KCNQ3: variants seen among roughly 807,000 people sequenced by gnomAD.
The protein encoded by KCNQ3 is potassium voltage-gated channel subfamily KQT member 3.
Under a neutral mutation model 92.5 loss-of-function variants are expected in KCNQ3, and 30 were observed. That is an observed-to-expected ratio of 0.32 (90% CI 0.24 to 0.44). KCNQ3 has a LOEUF of 0.44. Ranked by LOEUF, KCNQ3 falls within the 20% of genes least tolerant of loss-of-function variation. The pLI, the probability that KCNQ3 is intolerant of heterozygous loss-of-function variation, is 1.00. For missense variants in KCNQ3, 913 were observed against 1,140.3 expected (o/e 0.80, Z 2.87); for synonymous variants, 450 against 468.8 (o/e 0.96, Z 0.52).
intron 1 of KCNQ3, among the ~76,000 whole-genome samples, chr8:132,250,626 C>T (rs894575307): frequency 6.6e-6 from 1 of 152,106 alleles, no homozygotes; most frequent in African/African-American, 2.4e-5. Flanking sequence ...ATTATAAAAA[C>T]AATCTCTCAG....
intron 1 of KCNQ3, among the ~76,000 whole-genome samples, chr8:132,327,552 C>T (rs540678427): frequency 1.9e-4 from 29 of 152,220 alleles, no homozygotes; most frequent in African/African-American, 6.0e-4. Flanking sequence ...TCAGCTGTGC[C>T]CATCTGCATA....
intron 9 of KCNQ3, among the ~76,000 whole-genome samples, chr8:132,161,025 A>G (rs1825968359): frequency 6.6e-6 from 1 of 152,102 alleles, no homozygotes; most frequent in Admixed American, 6.5e-5. Flanking sequence ...TGCTTAGCAT[A>G]AAATTATCAA....
At chr8:132,203,020 A>G (rs1409046894) in intron 1 of KCNQ3, among the ~76,000 whole-genome samples, 5 of 152,200 alleles carry the variant, frequency 3.3e-5, no homozygotes, top group East Asian at 3.8e-4. Context: ...GGGAAGTCCA[A>G]TACCAAGGTG....
chr8:132,461,927 A>G (rs1169215189), intron 1 of KCNQ3, among the ~76,000 whole-genome samples: 1 of 152,134 alleles, frequency 6.6e-6, no homozygotes, highest in Non-Finnish European at 1.5e-5. Flanking sequence ...CAAGCTCTTT[A>G]TCAGATAGGT....
intron 1 of KCNQ3, among the ~76,000 whole-genome samples, chr8:132,310,075 G>C (rs1385580009): frequency 6.6e-6 from 1 of 152,166 alleles, no homozygotes; most frequent in Non-Finnish European, 1.5e-5. Flanking sequence ...GGTTACCATA[G>C]GAATAGATCT....
chr8:132,166,462 G>A (rs1222344294), intron 8 of KCNQ3, among the ~76,000 whole-genome samples: 2 of 152,062 alleles, frequency 1.3e-5, no homozygotes, highest in African/African-American at 4.8e-5. Flanking sequence ...GGACCCTTAT[G>A]ACCAACTTGT....
At chr8:132,191,405 T>A (rs1358810477) in intron 1 of KCNQ3, among the ~76,000 whole-genome samples, 1 of 151,938 alleles carries the variant, frequency 6.6e-6, no homozygotes, top group African/African-American at 2.4e-5. Context: ...AGATCCTCCT[T>A]CTTTAACCTC....
chr8:132,257,139 ATT>A (rs543946657), intron 1 of KCNQ3, among the ~76,000 whole-genome samples: 9 of 152,134 alleles, frequency 5.9e-5, no homozygotes, highest in Non-Finnish European at 1.3e-4. Flanking sequence ...TAGGAGCAAA[ATT>A]TTTTTGTAAA....
At chr8:132,477,309 G>GA (rs896888881) in intron 1 of KCNQ3, among the ~76,000 whole-genome samples, 9 of 146,464 alleles carry the variant, frequency 6.1e-5, no homozygotes, top group East Asian at 2.0e-4. Flanking sequence ...TTAGGAAGGA[G>GA]AAAAAAAATA....
chr8:132,239,884 A>T (rs1198071466), intron 1 of KCNQ3, among the ~76,000 whole-genome samples: 3 of 152,234 alleles, frequency 2.0e-5, no homozygotes, highest in Non-Finnish European at 2.9e-5. Flanking sequence ...GTCCGATGAC[A>T]ACCTTTGACA....
chr8:132,184,968 T>C (rs925619770), intron 2 of KCNQ3, among the ~76,000 whole-genome samples: 1 of 152,226 alleles, frequency 6.6e-6, no homozygotes, highest in African/African-American at 2.4e-5. Flanking sequence ...GCCCAGGAGC[T>C]TAAGCACTCT....
chr8:132,336,407 T>A (rs1818368240), intron 1 of KCNQ3, among the ~76,000 whole-genome samples: 1 of 152,280 alleles, frequency 6.6e-6, no homozygotes, highest in South Asian at 2.1e-4. Context: ...CTTAATCTCT[T>A]AGGGTTTCTG....
chr8:132,400,139 A>T (rs1820296386), intron 1 of KCNQ3, among the ~76,000 whole-genome samples: 1 of 152,174 alleles, frequency 6.6e-6, no homozygotes, highest in Non-Finnish European at 1.5e-5. Flanking sequence ...CAACAGACAA[A>T]CACGTATGTA....
intron 1 of KCNQ3, among the ~76,000 whole-genome samples, chr8:132,242,454 C>T (rs528976143): frequency 6.6e-6 from 1 of 152,250 alleles, no homozygotes; most frequent in Admixed American, 6.5e-5. Flanking sequence ...TGCACCTGCC[C>T]AGGGTCACAC....
Position 132,186,080 on chromosome 8 carries a change from T to C in KCNQ3, c.477+11A>G. ...CCAACCAGAAGCATTTACCCCAGAATGCAATCTTACCAGTAACAGAAGCCA... is the reference window on the plus strand; with the variant it reads ...CCAACCAGAAGCATTTACCCCAGAACGCAATCTTACCAGTAACAGAAGCCA... On this transcript the variant is annotated intron_variant, in intron 2 of 14. Transcript: ENST00000388996. 1 of 1,603,020 alleles carries C rather than the reference T, an allele frequency of 6.2e-7. No homozygotes were observed. Among genetic ancestry groups the C allele is most frequent in the Non-Finnish European group, 8.5e-7 (1 of 1,170,072 alleles).
intron 1 of KCNQ3, among the ~76,000 whole-genome samples, chr8:132,400,395 C>A (rs1410697353): frequency 6.6e-6 from 1 of 152,216 alleles, no homozygotes; most frequent in East Asian, 1.9e-4. Flanking sequence ...GCGTTTCATA[C>A]AATAACCTAA....
chr8:132,333,976 T>A (rs184224955), intron 1 of KCNQ3, among the ~76,000 whole-genome samples: 1,597 of 151,562 alleles, frequency 0.011, 33 homozygotes, highest in African/African-American at 0.037. Flanking sequence ...CAAGTGACCC[T>A]CCCGCCTCAG....
chr8:132,435,621 C>T lies in KCNQ3; in HGVS notation c.386+44526G>A, dbSNP rs548014031. 2.2e-4 allele frequency among the ~76,000 whole-genome samples: 34 copies of T among 152,214 alleles called. No homozygotes were observed. In the South Asian group the frequency reaches 3.5e-3, roughly 16 times the overall value. The stretch of plus-strand genomic sequence containing the variant: ...AATCAAACTGCGTTCAAACCTAGAC[C>T]GAGTAGTGAACAGGAGCTCAAGGAA... On this transcript the variant is annotated intron_variant, in intron 1 of 14. Coordinates refer to ENST00000388996, the MANE Select transcript of KCNQ3 (RefSeq NM_004519.4).
At chr8:132,353,769 A>G (rs927114325) in intron 1 of KCNQ3, among the ~76,000 whole-genome samples, 63 of 152,098 alleles carry the variant, frequency 4.1e-4, no homozygotes, top group African/African-American at 1.5e-3. Flanking sequence ...AGCCGAGATC[A>G]TGCCACTGCA....
Sources: gnomAD v4.1 joint callset for allele counts (sites outside exome capture counted in the v4.1 genomes callset) on GRCh38, gnomAD v4.1.1 for gene constraint, MANE v1.5 for transcripts, NCBI Gene and HGNC (gene_info 2026-07-23, HGNC 2026-07-21) for gene names.